DLAT: variants seen among roughly 807,000 people sequenced by gnomAD.
DLAT encodes the protein dihydrolipoyllysine-residue acetyltransferase component of pyruvate dehydrogenase complex, mitochondrial.
DLAT carries 43 observed loss-of-function variants against 68.0 expected under a neutral mutation model. The observed-to-expected ratio is 0.63, with a 90% CI of 0.50 to 0.81. The LOEUF (loss-of-function observed/expected upper bound fraction) is 0.81. DLAT is among the 40% of genes least tolerant of loss of function. DLAT has a pLI of 0.00. For synonymous variants in DLAT, 265 were observed against 288.6 expected, an observed-to-expected ratio of 0.92 and a Z score of 0.83; for missense variants, 745 against 815.4, an observed-to-expected ratio of 0.91 and a Z score of 1.05.
intron 10 of DLAT, among the ~76,000 whole-genome samples, chr11:112,047,352 T>A (rs1211600201): frequency 6.6e-6 from 1 of 152,238 alleles, no homozygotes; most frequent in Non-Finnish European, 1.5e-5. Flanking sequence ...TCCTTATAGA[T>A]TCTGGATATT....
chr11:112,037,746 G>T (rs1438949658), intron 6 of DLAT, among the ~76,000 whole-genome samples: 12 of 148,952 alleles, frequency 8.1e-5, no homozygotes, highest in African/African-American at 3.0e-4. Flanking sequence ...CAGATACCAT[G>T]CTTGTGGAAA....
intron 5 of DLAT, among the ~76,000 whole-genome samples, chr11:112,036,109 A>C (rs587662066): frequency 1.9e-4 from 28 of 146,848 alleles, no homozygotes; most frequent in South Asian, 1.3e-3. Context: ...ATATATATAT[A>C]TCTCCAGACT....
intron 7 of DLAT, among the ~76,000 whole-genome samples, chr11:112,041,361 A>G (rs1218562965): frequency 6.6e-6 from 1 of 152,224 alleles, no homozygotes; most frequent in Admixed American, 6.5e-5. Flanking sequence ...TCAGTGATAT[A>G]CTAGTGAGTG....
chr11:112,028,791 G>A lies in DLAT; in HGVS notation c.507-1G>A. ...ATTTATGCATTCTTTCTCTTCCTTAGGCCTGAGGATATTGAGGCCTTTAAA... is the reference window on the plus strand; with the variant it reads ...ATTTATGCATTCTTTCTCTTCCTTAAGCCTGAGGATATTGAGGCCTTTAAA... On this transcript the variant is annotated splice_acceptor_variant, in intron 3 of 13. Transcript: ENST00000280346. LOFTEE classifies it high-confidence loss of function. 6 of 1,614,016 alleles carry A rather than the reference G, an allele frequency of 3.7e-6. No individual in the cohort carries two copies. Among genetic ancestry groups the A allele is most frequent in the Non-Finnish European group, 5.1e-6 (6 of 1,180,012 alleles).
rs782668675 is a variant in DLAT, at chr11:112,063,829, A to G, written c.*1294A>G. ...ACATTATCACAATTCCAGACTTTCTATTAATATTTATGTGTTTTAATAAAC... is the reference window on the plus strand; with the variant it reads ...ACATTATCACAATTCCAGACTTTCTGTTAATATTTATGTGTTTTAATAAAC... On this transcript the variant is annotated 3_prime_UTR_variant, in exon 14 of 14. Transcript: ENST00000280346. The G allele has an allele frequency of 1.6e-5, 3 of 184,792 alleles. No individual in the cohort carries two copies. Among genetic ancestry groups the G allele is most frequent in the Admixed American group, 6.1e-5 (1 of 16,286 alleles). The allele number at this position is 184,792 out of a possible 1,614,324, so 11.4% of individuals were successfully genotyped here.
Position 112,045,277 on chromosome 11 carries a change from AG to A in DLAT, c.1290+49del, listed in dbSNP as rs11335731. ...GGAATCAGCTGTTAGGGGCATCTTT[AG>A]GTTGTTTAGTTGCTTCCATAGTTTT... On this transcript the variant is annotated intron_variant, in intron 9 of 13. Transcript: ENST00000280346. The A allele has an allele frequency of 1, 1,440,937 of 1,440,938 alleles. 720,468 individuals carry two copies. The highest frequency in any genetic ancestry group is 1 in the Non-Finnish European group (1,022,716 of 1,022,716). The allele number at this position is 1,440,938 out of a possible 1,614,324, so 89.3% of individuals were successfully genotyped here. A position where few individuals can be genotyped will look rare whatever the true frequency, so the allele number is the denominator to read the frequency against.
rs879969297 is a variant in DLAT at position 112,054,790 on chromosome 11, C to A, written c.1514+3441C>A. On this transcript the variant is annotated intron_variant, in intron 11 of 13. Transcript: ENST00000280346. ...AATCAGGGTTTCAGCAGGGGCAATG[C>A]GTTCCCTCCAAAGACTATAGAGAAG... Among the ~76,000 whole-genome samples the A allele has an allele frequency of 3.2e-4, 49 of 152,176 alleles. 1 individual carries two copies. Among genetic ancestry groups the A allele is most frequent in the Admixed American group, 1.4e-3 (21 of 15,276 alleles).
rs1863245645 is a variant in DLAT at position 112,045,226 on chromosome 11, G to A, written c.1286G>A (p.Arg429His). ...VFTDIPISNI[R>H]RVIAQRLMQS... is the part of the protein sequence containing the mutation. ...ACAGATATCCCAATCAGCAACATTC[G>A]TCGGGTAAGAGAATTACCATCATCT... is the stretch of plus-strand genomic sequence containing the variant. The change falls in exon 9 of 14, where the codon CGT becomes CAT. Residue 429 changes from arginine to histidine, a missense_variant. Coordinates refer to ENST00000280346, the MANE Select transcript of DLAT (RefSeq NM_001931.5). 2.5e-6 allele frequency: 4 copies of A among 1,613,188 alleles called. No individual in the cohort carries two copies. Among genetic ancestry groups the A allele is most frequent in the South Asian group, 1.1e-5 (1 of 91,052 alleles).
At chr11:112,049,868 C>CT (rs782049558) in intron 10 of DLAT, among the ~76,000 whole-genome samples, 10 of 152,214 alleles carry the variant, frequency 6.6e-5, no homozygotes, top group Non-Finnish European at 1.3e-4. Context: ...TCATTTTGAC[C>CT]TGTATGCCTT....
chr11:112,045,324 T>C (rs1011297873), intron 9 of DLAT, 94 bp downstream of exon 9: 3 of 1,054,942 alleles, frequency 2.8e-6, no homozygotes, highest in Non-Finnish European at 4.4e-6. Context: ...ACAGAGGCTT[T>C]TTAAGTTGGG....
At chr11:112,057,614 C>G (rs1277444045) in intron 11 of DLAT, among the ~76,000 whole-genome samples, 78 of 152,318 alleles carry the variant, frequency 5.1e-4, no homozygotes, top group Non-Finnish European at 1.9e-4. Context: ...CAGAGCAAGG[C>G]CCTAACTCTC....
Position 112,059,790 on chromosome 11 carries a change from AAC to A in DLAT, c.1515-107_1515-106del. On this transcript the variant is annotated intron_variant, in intron 11 of 13. Coordinates refer to ENST00000280346, the MANE Select transcript of DLAT (RefSeq NM_001931.5). Reference sequence around the variant, plus strand: ...TAATTTTTGTCTTTGGCTGAACAATAACACACATTGGTTCAAAAAATTTTTGA... The same window carrying A: ...TAATTTTTGTCTTTGGCTGAACAATAACACATTGGTTCAAAAAATTTTTGA... The A allele has an allele frequency of 4.7e-6, 4 of 842,150 alleles. No individual in the cohort carries two copies. The South Asian group carries it at 5.5e-5, about 12-fold the overall frequency. The allele number at this position is 842,150 out of a possible 1,614,324, so 52.2% of individuals were successfully genotyped here.
Position 112,045,909 on chromosome 11 carries a change from A to T in DLAT, c.1337A>T (p.Tyr446Phe). The change falls in exon 10 of 14, where the codon TAT (tyrosine) becomes TTT (phenylalanine). Residue 446 changes from tyrosine to phenylalanine, a missense_variant. Tyr to Phe is a conservative substitution (Grantham distance 22). Transcript: ENST00000280346. ...LMQSKQTIPH[Y>F]YLSIDVNMGE... ...CAATCAAAGCAAACCATACCTCATTATTACCTTTCTATCGATGTAAATATG... is the reference window on the plus strand; with the variant it reads ...CAATCAAAGCAAACCATACCTCATTTTTACCTTTCTATCGATGTAAATATG... 6.2e-7 allele frequency: 1 copy of T among 1,612,498 alleles called. No homozygotes were observed. Among genetic ancestry groups the T allele is most frequent in the Non-Finnish European group, 8.5e-7 (1 of 1,178,624 alleles).
chr11:112,028,481 T>A, intron 2 of DLAT, 34 bp from the exon 3 acceptor site: 1 of 1,595,128 alleles, frequency 6.3e-7, no homozygotes, highest in Non-Finnish European at 8.6e-7. Flanking sequence ...ATACCAACAG[T>A]ACAAACCTGA....
chr11:112,055,207 A>G (rs1372188388), intron 11 of DLAT, among the ~76,000 whole-genome samples: 1 of 149,178 alleles, frequency 6.7e-6, no homozygotes, highest in African/African-American at 2.5e-5. Flanking sequence ...TAAGGCATTG[A>G]CAGTCTTCCG....
intron 5 of DLAT, 120 bp from the exon 6 acceptor site, chr11:112,037,153 G>T (rs1457870380): frequency 5.7e-6 from 5 of 873,652 alleles, no homozygotes; most frequent in Middle Eastern, 3.3e-4. Flanking sequence ...TAAATAGGTT[G>T]CAAAAAAGGC....
intron 7 of DLAT, among the ~76,000 whole-genome samples, chr11:112,040,044 G>A (rs1332296953): frequency 3.3e-5 from 5 of 152,132 alleles, no homozygotes; most frequent in East Asian, 1.9e-4. Context: ...ACTGTACATC[G>A]TATAGATTGT....
chr11:112,047,379 G>A (rs1009541386), intron 10 of DLAT, among the ~76,000 whole-genome samples: 1 of 152,070 alleles, frequency 6.6e-6, no homozygotes, highest in Non-Finnish European at 1.5e-5. Context: ...TTGTTAGATG[G>A]ATAGATTTCA....
At position 112,064,217 on chromosome 11, in the gene DLAT, G is replaced by C. The variant is rs1409896323; in HGVS notation, c.*1682G>C. ...TTTCGCTAATGCTTGTGGTTCTGTT[G>C]TTCCCTTGAAAAAAAATAAAAACAG... On this transcript the variant is annotated 3_prime_UTR_variant, in exon 14 of 14. Transcript: ENST00000280346. 6.4e-7 allele frequency: 1 copy of C among 1,560,020 alleles called. No homozygotes were observed. The highest frequency in any genetic ancestry group is 8.7e-7 in the Non-Finnish European group (1 of 1,155,080).
Sources: gnomAD v4.1 joint callset for allele counts (sites outside exome capture counted in the v4.1 genomes callset) on GRCh38, gnomAD v4.1.1 for gene constraint, MANE v1.5 for transcripts, NCBI Gene and HGNC (gene_info 2026-07-23, HGNC 2026-07-21) for gene names.